The following CSMD1 variants were observed in gnomAD, a reference collection of about 807,000 sequenced individuals.
CSMD1 encodes CUB and sushi domain-containing protein 1.
CSMD1 carries 213 observed loss-of-function variants against 417.5 expected under a neutral mutation model. The observed-to-expected ratio is 0.51, with a 90% confidence interval of 0.46 to 0.57. The LOEUF is 0.57. Among genes scored for constraint, CSMD1 ranks in the 20% least tolerant of loss-of-function variants. CSMD1 has a pLI of 0.00. For synonymous variants in CSMD1, 2,862 were observed against 1,736.8 expected (o/e 1.65, Z -16.11); for missense variants, 6,923 against 4,529.7 (o/e 1.53, Z -15.17).
intron 2 of CSMD1, among the ~76,000 whole-genome samples, chr8:4,586,001 AT>A (rs1799679827): frequency 6.6e-6 from 1 of 152,118 alleles, no homozygotes; most frequent in South Asian, 2.1e-4. Context: ...TTTAATGACT[AT>A]TTTCATCATT....
At chr8:4,680,607 G>C (rs1231293759) in intron 1 of CSMD1, among the ~76,000 whole-genome samples, 4 of 152,092 alleles carry the variant, frequency 2.6e-5, no homozygotes, top group Non-Finnish European at 5.9e-5. Context: ...TTGTGACAGA[G>C]TCTTCCTCTG....
chr8:3,536,983 G>GGTCAAACT (rs1168126088), intron 10 of CSMD1, among the ~76,000 whole-genome samples: 5 of 152,048 alleles, frequency 3.3e-5, no homozygotes, highest in African/African-American at 1.2e-4. Context: ...TGCAACAATA[G>GGTCAAACT]GTCAAACTCT....
chr8:4,118,102 T>A (rs1303345643), intron 3 of CSMD1, among the ~76,000 whole-genome samples: 1 of 152,106 alleles, frequency 6.6e-6, no homozygotes. Flanking sequence ...AAGGCTTGTG[T>A]GTTTGCAGGT....
At chr8:4,746,229 G>C (rs73661110) in intron 1 of CSMD1, among the ~76,000 whole-genome samples, 1,702 of 152,050 alleles carry the variant, frequency 0.011, 26 homozygotes, top group African/African-American at 0.039. Context: ...CACCGAAAAC[G>C]TATGGCCAAC....
intron 5 of CSMD1, among the ~76,000 whole-genome samples, chr8:3,804,599 G>A (rs866654621): frequency 2.0e-5 from 3 of 151,956 alleles, no homozygotes; most frequent in Middle Eastern, 3.2e-3. Flanking sequence ...ATATTTTGTA[G>A]TATCTTTTTC....
intron 4 of CSMD1, among the ~76,000 whole-genome samples, chr8:4,021,437 C>T (rs572048828): frequency 6.6e-6 from 1 of 152,152 alleles, no homozygotes; most frequent in Non-Finnish European, 1.5e-5. Flanking sequence ...CAGCACTGCT[C>T]TAATTACTAA....
At chr8:3,689,798 C>G (rs1166641340) in intron 7 of CSMD1, among the ~76,000 whole-genome samples, 2 of 152,160 alleles carry the variant, frequency 1.3e-5, no homozygotes, top group African/African-American at 2.4e-5. Context: ...AAGTTACAGT[C>G]TATTCATTGG....
intron 54 of CSMD1, among the ~76,000 whole-genome samples, chr8:2,980,700 G>A (rs1805332309): frequency 6.6e-6 from 1 of 152,154 alleles, no homozygotes; most frequent in Non-Finnish European, 1.5e-5. Context: ...CTGAAACTAA[G>A]GACTAAAATT....
At chr8:4,505,655 T>G (rs182466730) in intron 2 of CSMD1, among the ~76,000 whole-genome samples, 1 of 152,310 alleles carries the variant, frequency 6.6e-6, no homozygotes, top group East Asian at 1.9e-4. Flanking sequence ...TGCAGTCCAG[T>G]GTCCATGTTG....
intron 6 of CSMD1, among the ~76,000 whole-genome samples, chr8:3,751,800 C>T (rs373165084): frequency 6.6e-6 from 1 of 152,140 alleles, no homozygotes; most frequent in Admixed American, 6.5e-5. Context: ...GTTCACTGAT[C>T]AGGTTTGAGA....
intron 3 of CSMD1, among the ~76,000 whole-genome samples, chr8:4,379,295 A>G (rs976989249): frequency 7.2e-5 from 11 of 152,206 alleles, no homozygotes; most frequent in African/African-American, 2.7e-4. Context: ...AAAACTGTCA[A>G]GGTCAAGAAA....
chr8:3,011,277 T>C (rs565026809), intron 52 of CSMD1, among the ~76,000 whole-genome samples: 3 of 152,176 alleles, frequency 2.0e-5, no homozygotes, highest in Non-Finnish European at 2.9e-5. Context: ...GGAGTTTTCC[T>C]GACTAACATA....
chr8:3,366,149 C>G (rs887157668), intron 20 of CSMD1, among the ~76,000 whole-genome samples: 1 of 152,184 alleles, frequency 6.6e-6, no homozygotes, highest in Admixed American at 6.5e-5. Context: ...GGAAAACCCT[C>G]TTCGTCCAAA....
At chr8:3,161,984 A>G (rs944272022) in intron 38 of CSMD1, among the ~76,000 whole-genome samples, 175 bp downstream of exon 38, 13 of 152,248 alleles carry the variant, frequency 8.5e-5, no homozygotes, top group African/African-American at 3.1e-4. Flanking sequence ...ATTATCACTT[A>G]AAAGCTGTTT....
chr8:4,011,701 G>T (rs1027085350), intron 4 of CSMD1, among the ~76,000 whole-genome samples: 1 of 152,088 alleles, frequency 6.6e-6, no homozygotes, highest in Non-Finnish European at 1.5e-5. Flanking sequence ...AAAGTCACAA[G>T]AACTTGCAAA....
At chr8:3,534,531 A>AG (rs1478702283) in intron 10 of CSMD1, among the ~76,000 whole-genome samples, 1 of 152,040 alleles carries the variant, frequency 6.6e-6, no homozygotes, top group Non-Finnish European at 1.5e-5. Flanking sequence ...AAAAAAAAAA[A>AG]AAAAGAAAAA....
intron 6 of CSMD1, among the ~76,000 whole-genome samples, chr8:3,736,709 A>G (rs926279954): frequency 6.6e-6 from 1 of 152,154 alleles, no homozygotes; most frequent in African/African-American, 2.4e-5. Context: ...ATAAGGACAC[A>G]CCTGCTTCAC....
At chr8:2,965,569 C>T (rs1197797998) in intron 59 of CSMD1, among the ~76,000 whole-genome samples, 1 of 152,150 alleles carries the variant, frequency 6.6e-6, no homozygotes, top group African/African-American at 2.4e-5. Flanking sequence ...AAGCCTTTTC[C>T]TCTACCTCGC....
chr8:4,612,351 G>GA (rs5889046), intron 2 of CSMD1, among the ~76,000 whole-genome samples: 27,758 of 151,518 alleles, frequency 0.18, 3,276 homozygotes, highest in African/African-American at 0.34. Context: ...TTTCAGAATT[G>GA]AAAAAAAACA....
Sources: gnomAD v4.1 joint callset for allele counts (sites outside exome capture counted in the v4.1 genomes callset) on GRCh38, gnomAD v4.1.1 for gene constraint, MANE v1.5 for transcripts, NCBI Gene and HGNC (gene_info 2026-07-23, HGNC 2026-07-21) for gene names.